ABCC4: variants seen among roughly 807,000 people sequenced by gnomAD.
The protein encoded by ABCC4 is ATP binding cassette subfamily C member 4 (PEL blood group).
A neutral mutation model predicts 168.5 loss-of-function variants in ABCC4; 102 were observed. The observed-to-expected ratio is 0.61, with a 90% CI of 0.52 to 0.71. The LOEUF (loss-of-function observed/expected upper bound fraction) is 0.71. Ranked by LOEUF, ABCC4 falls within the 30% of genes least tolerant of loss-of-function variation. The pLI is 0.00. For missense variants in ABCC4, 1,402 were observed against 1,605.8 expected (o/e 0.87, Z 2.17); for synonymous variants, 617 against 590.7 (o/e 1.04, Z -0.65).
intron 8 of ABCC4, among the ~76,000 whole-genome samples, chr13:95,200,254 G>C (rs2038585482): frequency 6.6e-6 from 1 of 152,262 alleles, no homozygotes. Flanking sequence ...CAAAAGCCTA[G>C]CATAGACCAA....
intron 11 of ABCC4, among the ~76,000 whole-genome samples, chr13:95,182,215 A>C (rs1326763441): frequency 6.6e-6 from 1 of 152,252 alleles, no homozygotes; most frequent in African/African-American, 2.4e-5. Context: ...CTAAAAAGAA[A>C]ATGTCCAAGT....
Position 95,071,673 on chromosome 13 carries a change from AT to A in ABCC4, c.3198del (p.Lys1066AsnfsTer39). The A allele has an allele frequency of 2.1e-6, 3 of 1,449,430 alleles. No individual in the cohort carries two copies. The highest frequency in any genetic ancestry group is 2.7e-6 in the Non-Finnish European group (3 of 1,097,856). 89.8% of individuals were successfully genotyped at this position (1,449,430 alleles called of 1,614,324 possible). On this transcript the variant is annotated frameshift_variant, in exon 25 of 31. Transcript: ENST00000645237. LOFTEE classifies it high-confidence loss of function. ...LVLKHLTALI[K>X]SQEKVGIVGR... ...TGCTTTAAACAAACCTTTTCTTGTG[AT>A]TTAATGAGTGCTGTCAGATGCTTCA...
At chr13:95,160,707 CTG>C (rs1333931593) in intron 19 of ABCC4, among the ~76,000 whole-genome samples, 1 of 152,176 alleles carries the variant, frequency 6.6e-6, no homozygotes, top group Non-Finnish European at 1.5e-5. Flanking sequence ...TACAAAAACC[CTG>C]TGTTTCCAGA....
At chr13:95,076,841 C>G (rs894908904) in intron 21 of ABCC4, among the ~76,000 whole-genome samples, 1 of 152,086 alleles carries the variant, frequency 6.6e-6, no homozygotes, top group African/African-American at 2.4e-5. Context: ...CTCACTGCCA[C>G]CTTGAATTCC....
At chr13:95,039,287 A>T (rs1419972465) in intron 29 of ABCC4, among the ~76,000 whole-genome samples, 1 of 152,244 alleles carries the variant, frequency 6.6e-6, no homozygotes, top group Non-Finnish European at 1.5e-5. Flanking sequence ...ATCAGAGCTC[A>T]AAAAGTTTCA....
At chr13:95,079,603 G>A (rs1238974067) in intron 21 of ABCC4, among the ~76,000 whole-genome samples, 1 of 152,216 alleles carries the variant, frequency 6.6e-6, no homozygotes, top group African/African-American at 2.4e-5. Flanking sequence ...GGGAGGCTGA[G>A]GCGGGTGGAT....
At chr13:95,104,456 C>T (rs1013356853) in intron 20 of ABCC4, among the ~76,000 whole-genome samples, 3 of 152,174 alleles carry the variant, frequency 2.0e-5, no homozygotes, top group African/African-American at 7.2e-5. Flanking sequence ...GTATATATCA[C>T]ACACATAATA....
At chr13:95,159,446 T>C (rs1594204622) in intron 19 of ABCC4, among the ~76,000 whole-genome samples, 1 of 151,636 alleles carries the variant, frequency 6.6e-6, no homozygotes, top group African/African-American at 2.4e-5. Flanking sequence ...CAGGTGCTGC[T>C]GTAAGATTAG....
chr13:95,083,413 C>G, intron 20 of ABCC4, 123 bp from the exon 21 acceptor site: 1 of 1,133,802 alleles, frequency 8.8e-7, no homozygotes, highest in South Asian at 1.7e-5. Context: ...CCAGGGACTG[C>G]TTTTCCATAC....
At chr13:95,290,166 C>T (rs956669654) in intron 1 of ABCC4, among the ~76,000 whole-genome samples, 2 of 144,780 alleles carry the variant, frequency 1.4e-5, no homozygotes, top group South Asian at 2.2e-4. Flanking sequence ...TAGATAGATG[C>T]GTGGATCCCA....
intron 21 of ABCC4, among the ~76,000 whole-genome samples, chr13:95,077,879 G>A (rs894497840): frequency 6.6e-6 from 1 of 152,070 alleles, no homozygotes; most frequent in African/African-American, 2.4e-5. Flanking sequence ...CCAAGACATG[G>A]AGGTTCCACA....
intron 6 of ABCC4, among the ~76,000 whole-genome samples, chr13:95,208,717 T>A (rs1262829625): frequency 5.4e-5 from 8 of 148,308 alleles, no homozygotes; most frequent in Admixed American, 3.4e-4. Flanking sequence ...GCCTCCTGGA[T>A]TCAAGTGATT....
intron 20 of ABCC4, among the ~76,000 whole-genome samples, chr13:95,087,436 C>T (rs1450282512): frequency 6.6e-6 from 1 of 151,824 alleles, no homozygotes; most frequent in African/African-American, 2.4e-5. Context: ...TGCAGTGAGC[C>T]GAGATCATGC....
At chr13:95,252,972 A>G (rs929635549) in intron 1 of ABCC4, among the ~76,000 whole-genome samples, 2 of 152,254 alleles carry the variant, frequency 1.3e-5, no homozygotes, top group African/African-American at 2.4e-5. Flanking sequence ...TTTAAACAGT[A>G]TCTGCTGTCT....
chr13:95,177,858 G>C (rs2037759840), intron 12 of ABCC4, 65 bp from the exon 13 acceptor site: 1 of 1,522,540 alleles, frequency 6.6e-7, no homozygotes, highest in African/African-American at 1.4e-5. Flanking sequence ...CAACTGGGAT[G>C]TTCATTCAAA....
At chr13:95,040,356 C>T (rs1428563770) in intron 29 of ABCC4, among the ~76,000 whole-genome samples, 2 of 152,150 alleles carry the variant, frequency 1.3e-5, no homozygotes, top group African/African-American at 2.4e-5. Context: ...CTCAGCCTCC[C>T]GAGTAGCTGG....
rs562252812 is a variant in ABCC4, at chr13:95,248,031, C to T, written c.75-278G>A. Among the ~76,000 whole-genome samples, 3 of 151,756 alleles carry T rather than the reference C, an allele frequency of 2.0e-5. No individual in the cohort carries two copies. In the South Asian group the frequency reaches 6.3e-4, roughly 32 times the overall value. On this transcript the variant is annotated intron_variant, in intron 1 of 30. Coordinates refer to ENST00000645237, the MANE Select transcript of ABCC4 (RefSeq NM_005845.5). ...GTGCCCAGATCTTGGTTTCCAAAAC[C>T]ATTATTATCTAAAAGGAACCAGAGC...
chr13:95,218,878 A>G (rs1160021034), intron 4 of ABCC4, among the ~76,000 whole-genome samples: 2 of 128,130 alleles, frequency 1.6e-5, no homozygotes, highest in African/African-American at 6.7e-5. Flanking sequence ...AAGAAAAGAA[A>G]AGAGACAGAC....
intron 3 of ABCC4, among the ~76,000 whole-genome samples, chr13:95,243,114 G>A (rs1231221173): frequency 6.6e-6 from 1 of 152,146 alleles, no homozygotes; most frequent in East Asian, 1.9e-4. Flanking sequence ...GCTCTCTTGT[G>A]AAAAGCCCAG....
Sources: gnomAD v4.1 joint callset for allele counts (sites outside exome capture counted in the v4.1 genomes callset) on GRCh38, gnomAD v4.1.1 for gene constraint, MANE v1.5 for transcripts, NCBI Gene and HGNC (gene_info 2026-07-23, HGNC 2026-07-21) for gene names.